Variants in KDM4C observed in about 807,000 individuals in gnomAD.
The protein encoded by KDM4C is lysine-specific demethylase 4C.
In KDM4C, 81 loss-of-function variants were observed where a neutral mutation model predicts 129.3. The observed-to-expected ratio is 0.63, with a 90% CI of 0.52 to 0.75. The LOEUF (loss-of-function observed/expected upper bound fraction) is 0.75. Among genes scored for constraint, KDM4C ranks in the 30% least tolerant of loss-of-function variants. The probability of loss-of-function intolerance (pLI) is 0.00; values close to 1 mark genes in which losing one functional copy is unlikely to be tolerated. For synonymous variants in KDM4C, 573 were observed against 456.1 expected, an observed-to-expected ratio of 1.26 and a Z score of -3.26; for missense variants, 1,457 against 1,304.0, an observed-to-expected ratio of 1.12 and a Z score of -1.81.
intron 18 of KDM4C, among the ~76,000 whole-genome samples, chr9:7,125,710 A>G (rs1185230287): frequency 6.6e-6 from 1 of 152,238 alleles, no homozygotes; most frequent in Non-Finnish European, 1.5e-5. Flanking sequence ...TCCATGCAAG[A>G]AAAGACTGGG....
intron 19 of KDM4C, among the ~76,000 whole-genome samples, chr9:7,157,537 T>G (rs1843319983): frequency 6.6e-6 from 1 of 152,226 alleles, no homozygotes; most frequent in African/African-American, 2.4e-5. Context: ...CATCAGTACC[T>G]AGTTTATTGA....
intron 1 of KDM4C, among the ~76,000 whole-genome samples, chr9:6,762,251 C>T (rs544036005): frequency 6.6e-6 from 1 of 152,134 alleles, no homozygotes; most frequent in East Asian, 1.9e-4. Flanking sequence ...CTCCCCCAGC[C>T]CCCCACCCCA....
chr9:6,840,312 A>C lies in KDM4C; in HGVS notation c.436-9195A>C, dbSNP rs188522866. Among the ~76,000 whole-genome samples the C allele has an allele frequency of 8.4e-3, 1,279 of 152,190 alleles. 11 individuals carry two copies. The highest frequency in any genetic ancestry group is 0.012 in the Non-Finnish European group (833 of 68,010). ...AGTCTTGAACTCCTGGGCTCAAGCTATCTGCCTGCCTTGGCCTCCTGAAAT... is the reference window on the plus strand; with the variant it reads ...AGTCTTGAACTCCTGGGCTCAAGCTCTCTGCCTGCCTTGGCCTCCTGAAAT... On this transcript the variant is annotated intron_variant, in intron 4 of 21. Coordinates refer to ENST00000381309, the MANE Select transcript of KDM4C (RefSeq NM_015061.6).
intron 8 of KDM4C, among the ~76,000 whole-genome samples, chr9:6,944,652 G>GTTTTTTTTTTTTTTTTTTTTTTTTTTTTT (rs1158199897): frequency 1.2e-5 from 1 of 80,994 alleles, no homozygotes; most frequent in Non-Finnish European, 2.2e-5. Context: ...CAAGGTAGAG[G>GTTTTTTTTTTTTTTTTTTTTTTTTTTTTT]TTTTTTTTTT....
Position 6,984,336 on chromosome 9 carries a change from C to T in KDM4C, c.1286C>T (p.Ser429Leu). 2 of 1,614,010 alleles carry T rather than the reference C, an allele frequency of 1.2e-6. No homozygotes were observed. The highest frequency in any genetic ancestry group is 1.7e-6 in the Non-Finnish European group (2 of 1,179,916). ...AVKLRNTEAS[S>L]EEESSASRMQ... is the part of the protein sequence containing the mutation. ...AAGCTGAGGAACACAGAAGCATCTT[C>T]AGAAGAAGAGTCATCTGCTAGCAGG... Residue 429 changes from serine to leucine, a missense_variant, in exon 10 of 22, where the codon TCA (serine) becomes TTA (leucine). By Grantham distance (145) the Ser-to-Leu change is moderately radical (BLOSUM62 -2). Coordinates refer to ENST00000381309, the MANE Select transcript of KDM4C (RefSeq NM_015061.6).
chr9:6,760,542 TTTTATTTATTTA>T (rs370646653), intron 1 of KDM4C, among the ~76,000 whole-genome samples: 12,476 of 143,838 alleles, frequency 0.087, 648 homozygotes, highest in Non-Finnish European at 0.096. Context: ...TGATACTCTT[TTTTATTTATTTA>T]TTTATTTATT....
intron 1 of KDM4C, among the ~76,000 whole-genome samples, chr9:6,782,064 A>T (rs1285526584): frequency 6.6e-6 from 1 of 152,048 alleles, no homozygotes; most frequent in Non-Finnish European, 1.5e-5. Flanking sequence ...ACCTCAGGTG[A>T]TCTGTCCACC....
chr9:7,077,188 C>G (rs1834025411), intron 17 of KDM4C: 2 of 985,322 alleles, frequency 2.0e-6, no homozygotes, highest in Non-Finnish European at 2.4e-6. Context: ...ATCACACATG[C>G]TGTGGGAAGA....
intron 1 of KDM4C, among the ~76,000 whole-genome samples, chr9:6,739,018 G>C (rs761596742): frequency 1.3e-5 from 2 of 150,512 alleles, no homozygotes; most frequent in Non-Finnish European, 3.0e-5. Flanking sequence ...CTGGGATTAC[G>C]GGCATGAGCC....
chr9:6,919,223 C>CTTTCTT (rs532687391), intron 8 of KDM4C, among the ~76,000 whole-genome samples: 1 of 108,914 alleles, frequency 9.2e-6, no homozygotes, highest in Non-Finnish European at 2.1e-5. Flanking sequence ...TTTCTTTTTC[C>CTTTCTT]TTCTTTCTTT....
In KDM4C at chr9:6,859,190, T is replaced by G. The variant is rs566021665; in HGVS notation, c.629+9490T>G. ...ATACTAATCACTGTTAGAAATCATC[T>G]CTGGTGGCCGGGTACGGTGGTTCAT... On this transcript the variant is annotated intron_variant, in intron 5 of 21. Coordinates refer to ENST00000381309, the MANE Select transcript of KDM4C (RefSeq NM_015061.6). Among the ~76,000 whole-genome samples the G allele has an allele frequency of 5.3e-5, 8 of 152,254 alleles. No homozygotes were observed. The East Asian group carries it at 1.4e-3, about 26-fold the overall frequency.
chr9:6,855,863 C>T (rs913265231), intron 5 of KDM4C, among the ~76,000 whole-genome samples: 14 of 152,076 alleles, frequency 9.2e-5, no homozygotes, highest in African/African-American at 2.4e-4. Context: ...TTGGGGAGCC[C>T]CACTATTCAT....
intron 5 of KDM4C, among the ~76,000 whole-genome samples, chr9:6,856,747 A>AT (rs781673639): frequency 0.27 from 28,178 of 104,302 alleles, 4,309 homozygotes; most frequent in East Asian, 0.48. Flanking sequence ...TAATTTTTGT[A>AT]TTTTTTTTTT....
chr9:6,740,098 C>T (rs993815464), intron 1 of KDM4C, among the ~76,000 whole-genome samples: 3 of 152,028 alleles, frequency 2.0e-5, no homozygotes, highest in Non-Finnish European at 4.4e-5. Context: ...CCATTTTGGC[C>T]AGGATGGCCT....
At position 6,727,588 on chromosome 9, in the gene KDM4C, C is replaced by T. The variant is rs145172694; in HGVS notation, c.49+6591C>T. ...TGGCTAACACGGTGAAACTCAGTCT[C>T]TACTAAAATAAAAAAAAAACTTGTA... On this transcript the variant is annotated intron_variant, in intron 1 of 17. Transcript: ENST00000536108. 95 of 241,596 alleles carry T rather than the reference C, an allele frequency of 3.9e-4. 13 individuals are homozygous for T. Among genetic ancestry groups the T allele is most frequent in the African/African-American group, 3.2e-3 (87 of 27,616 alleles). The allele number at this position is 241,596 out of a possible 1,614,324, so 15.0% of individuals were successfully genotyped here. A position where few individuals can be genotyped will look rare whatever the true frequency, so the allele number is the denominator to read the frequency against.
intron 18 of KDM4C, among the ~76,000 whole-genome samples, chr9:7,117,607 G>C (rs1274900855): frequency 6.9e-6 from 1 of 145,446 alleles, no homozygotes; most frequent in Non-Finnish European, 1.5e-5. Context: ...ATACATTTTA[G>C]AATCATCTTG....
intron 5 of KDM4C, among the ~76,000 whole-genome samples, chr9:6,856,736 C>G (rs1377522869): frequency 4.1e-5 from 6 of 147,080 alleles, no homozygotes; most frequent in African/African-American, 1.5e-4. Flanking sequence ...CTATGCCAGG[C>G]TAATTTTTGT....
At chr9:6,931,129 C>A (rs529958187) in intron 8 of KDM4C, among the ~76,000 whole-genome samples, 10 of 151,566 alleles carry the variant, frequency 6.6e-5, no homozygotes, top group African/African-American at 2.2e-4. Flanking sequence ...CTCACCCCCC[C>A]CACACAAACA....
At chr9:7,080,299 C>T (rs1425851138) in intron 17 of KDM4C, among the ~76,000 whole-genome samples, 1 of 152,160 alleles carries the variant, frequency 6.6e-6, no homozygotes, top group East Asian at 1.9e-4. Flanking sequence ...CAAAGAGACC[C>T]TAGAGCCCAA....
Sources: gnomAD v4.1 joint callset for allele counts (sites outside exome capture counted in the v4.1 genomes callset) on GRCh38, gnomAD v4.1.1 for gene constraint, MANE v1.5 for transcripts, NCBI Gene and HGNC (gene_info 2026-07-23, HGNC 2026-07-21) for gene names.